CCSER1: variants seen among roughly 807,000 people sequenced by gnomAD.
CCSER1 encodes coiled-coil serine rich protein 1.
In CCSER1, 41 loss-of-function variants were observed where a neutral mutation model predicts 82.0. The observed-to-expected ratio is 0.50, with a 90% CI of 0.39 to 0.65. CCSER1 has a LOEUF of 0.65. CCSER1 is among the 30% of genes least tolerant of loss of function. The probability of loss-of-function intolerance (pLI) is 0.00; values close to 1 mark genes in which losing one functional copy is unlikely to be tolerated. For missense variants in CCSER1, 1,119 were observed against 1,064.2 expected (o/e 1.05, Z -0.72); for synonymous variants, 414 against 383.9 (o/e 1.08, Z -0.92).
intron 10 of CCSER1, among the ~76,000 whole-genome samples, chr4:91,568,072 C>G (rs942227354): frequency 2.6e-5 from 4 of 152,010 alleles, no homozygotes; most frequent in African/African-American, 9.7e-5. Flanking sequence ...ATTTGCTTAT[C>G]TGAAAGGGAT....
chr4:90,348,375 A>G (rs1742796370), intron 3 of CCSER1, among the ~76,000 whole-genome samples: 1 of 152,218 alleles, frequency 6.6e-6, no homozygotes, highest in Admixed American at 6.5e-5. Flanking sequence ...ATCATAGATT[A>G]TATAATATTA....
chr4:90,285,915 C>T (rs1328516318), intron 1 of CCSER1, among the ~76,000 whole-genome samples: 1 of 151,844 alleles, frequency 6.6e-6, no homozygotes, highest in Non-Finnish European at 1.5e-5. Context: ...GTCCTTCATT[C>T]TGTTGATGTG....
At chr4:90,463,641 A>G (rs758765178) in intron 4 of CCSER1, among the ~76,000 whole-genome samples, 2 of 152,182 alleles carry the variant, frequency 1.3e-5, no homozygotes, top group African/African-American at 4.8e-5. Flanking sequence ...TGAACACTCT[A>G]CCAAGTCAAA....
intron 1 of CCSER1, among the ~76,000 whole-genome samples, chr4:90,251,067 T>C (rs1722290855): frequency 1.3e-5 from 2 of 151,946 alleles, no homozygotes; most frequent in African/African-American, 2.4e-5. Flanking sequence ...TGTTTATTAG[T>C]TGCAATAGTT....
intron 10 of CCSER1, among the ~76,000 whole-genome samples, chr4:91,370,961 A>G (rs1242264455): frequency 2.0e-5 from 3 of 152,024 alleles, no homozygotes; most frequent in South Asian, 2.1e-4. Flanking sequence ...TCCTGGGTTC[A>G]AGTGATTCTC....
chr4:90,393,012 A>G (rs952730214), intron 3 of CCSER1, among the ~76,000 whole-genome samples: 1 of 152,162 alleles, frequency 6.6e-6, no homozygotes, highest in South Asian at 2.1e-4. Context: ...TCTCTTCTCC[A>G]CTGCATACGT....
At chr4:90,879,996 A>C (rs184491306) in intron 8 of CCSER1, among the ~76,000 whole-genome samples, 7 of 152,300 alleles carry the variant, frequency 4.6e-5, no homozygotes, top group African/African-American at 1.7e-4. Context: ...ATGCTAGCAA[A>C]GTATTTTTTG....
chr4:91,250,622 A>G (rs1348607343), intron 10 of CCSER1, among the ~76,000 whole-genome samples: 3 of 151,480 alleles, frequency 2.0e-5, no homozygotes, highest in African/African-American at 7.3e-5. Context: ...GTTTCTTTCA[A>G]TAGATGGCAA....
intron 10 of CCSER1, among the ~76,000 whole-genome samples, chr4:91,335,367 A>G (rs371460877): frequency 2.2e-4 from 33 of 152,170 alleles, no homozygotes; most frequent in African/African-American, 7.5e-4. Context: ...TAACTCCCTA[A>G]AGCTTACCTG....
At chr4:91,307,671 T>G (rs1745167287) in intron 10 of CCSER1, among the ~76,000 whole-genome samples, 1 of 151,912 alleles carries the variant, frequency 6.6e-6, no homozygotes, top group Non-Finnish European at 1.5e-5. Flanking sequence ...GACCTTTTCC[T>G]TGAGAGAATA....
intron 10 of CCSER1, among the ~76,000 whole-genome samples, chr4:91,151,765 T>G (rs555278136): frequency 6.6e-6 from 1 of 152,232 alleles, no homozygotes; most frequent in Non-Finnish European, 1.5e-5. Flanking sequence ...TTGTTCAGTT[T>G]CCATGTAGTT....
intron 10 of CCSER1, among the ~76,000 whole-genome samples, chr4:91,327,961 C>A (rs1746684429): frequency 6.6e-6 from 1 of 152,178 alleles, no homozygotes; most frequent in South Asian, 2.1e-4. Context: ...AGTTCCTCAT[C>A]TCCATCTGAG....
rs187211337 is a variant in CCSER1 at position 90,151,127 on chromosome 4, A to G, written c.-42+23296A>G. 6.8e-3 allele frequency among the ~76,000 whole-genome samples: 1,029 copies of G among 152,196 alleles called. 10 individuals are homozygous for G. The highest frequency in any genetic ancestry group is 0.022 in the African/African-American group (906 of 41,538). ...CAATTAGAACTAAAGTCCTCCTATC[A>G]CTGAATAATGAAAATCCAGGCCTGG... On this transcript the variant is annotated intron_variant, in intron 1 of 10. Transcript: ENST00000509176.
At chr4:91,369,030 G>A (rs117746081) in intron 10 of CCSER1, among the ~76,000 whole-genome samples, 235 of 152,258 alleles carry the variant, frequency 1.5e-3, no homozygotes, top group African/African-American at 5.5e-3. Flanking sequence ...TCTTGTAAGG[G>A]TTTTCACACT....
chr4:90,262,205 G>A (rs771858978), intron 1 of CCSER1, among the ~76,000 whole-genome samples: 4 of 152,040 alleles, frequency 2.6e-5, no homozygotes, highest in Non-Finnish European at 4.4e-5. Flanking sequence ...CTTAGGTAGA[G>A]TATTGCTTTA....
chr4:90,979,577 C>G (rs564956214), intron 9 of CCSER1, among the ~76,000 whole-genome samples: 1 of 151,820 alleles, frequency 6.6e-6, no homozygotes, highest in South Asian at 2.1e-4. Context: ...GTTATTAAGG[C>G]TGTTCCCAAG....
At chr4:91,300,082 A>G (rs1744549710) in intron 10 of CCSER1, among the ~76,000 whole-genome samples, 1 of 151,876 alleles carries the variant, frequency 6.6e-6, no homozygotes, top group Non-Finnish European at 1.5e-5. Context: ...TACTTTTCAG[A>G]CTCAGGAAGT....
chr4:91,240,146 G>A (rs1739295936), intron 10 of CCSER1, among the ~76,000 whole-genome samples: 1 of 55,864 alleles, frequency 1.8e-5, no homozygotes, highest in Non-Finnish European at 3.2e-5. Flanking sequence ...CACGATCTTG[G>A]CTCACTGCAA....
chr4:90,626,034 C>T (rs567480417), intron 5 of CCSER1, among the ~76,000 whole-genome samples: 146 of 152,140 alleles, frequency 9.6e-4, no homozygotes, highest in Middle Eastern at 3.4e-3. Flanking sequence ...AGAGCCAGCA[C>T]GCTAACTAAC....
Sources: allele counts gnomAD v4.1 joint callset (sites outside exome capture counted in the v4.1 genomes callset), GRCh38; gene constraint gnomAD v4.1.1; transcripts MANE v1.5; gene names NCBI Gene and HGNC (gene_info 2026-07-23, HGNC 2026-07-21).